The following RARB variants were observed in gnomAD, a reference collection of about 807,000 sequenced individuals.
RARB encodes HBV-activated protein.
RARB carries 17 observed loss-of-function variants against 51.9 expected under a neutral mutation model. That is an observed-to-expected ratio of 0.33 (90% CI 0.22 to 0.49). RARB has a LOEUF of 0.49. Ranked by LOEUF, RARB falls within the 20% of genes least tolerant of loss-of-function variation. The pLI is 0.99. For synonymous variants in RARB, 215 were observed against 195.4 expected (o/e 1.10, Z -0.84); for missense variants, 369 against 550.8 (o/e 0.67, Z 3.30).
chr3:25,431,390 A>G (rs948451662), intron 1 of RARB, among the ~76,000 whole-genome samples: 1 of 152,172 alleles, frequency 6.6e-6, no homozygotes, highest in African/African-American at 2.4e-5. Flanking sequence ...AAAGGCAGAA[A>G]AATGATATGC....
chr3:25,258,557 G>C (rs17016060), intron 5 of RARB, among the ~76,000 whole-genome samples: 15,702 of 152,154 alleles, frequency 0.1, 990 homozygotes, highest in South Asian at 0.25. Context: ...CAACCCTGAA[G>C]TGGGCATTTG....
At chr3:25,332,328 C>T (rs575589683) in intron 5 of RARB, among the ~76,000 whole-genome samples, 7 of 152,278 alleles carry the variant, frequency 4.6e-5, no homozygotes, top group Admixed American at 1.3e-4. Context: ...TTATCCACCA[C>T]GATCAAGTTG....
chr3:25,038,686 G>A (rs1034872876), intron 2 of RARB, among the ~76,000 whole-genome samples: 1 of 152,198 alleles, frequency 6.6e-6, no homozygotes, highest in Non-Finnish European at 1.5e-5. Flanking sequence ...TCCTTGGTTG[G>A]CATTTAAGTG....
At chr3:25,344,783 A>T (rs1236310536) in intron 5 of RARB, among the ~76,000 whole-genome samples, 1 of 152,200 alleles carries the variant, frequency 6.6e-6, no homozygotes, top group African/African-American at 2.4e-5. Flanking sequence ...TGGTCATTCT[A>T]TATAACTATA....
intron 4 of RARB, among the ~76,000 whole-genome samples, chr3:25,161,451 C>G (rs1357747002): frequency 1.3e-5 from 2 of 152,124 alleles, no homozygotes; most frequent in Non-Finnish European, 2.9e-5. Context: ...GGGGGCCATT[C>G]TGCTGTCTAC....
intron 5 of RARB, among the ~76,000 whole-genome samples, chr3:25,230,613 T>G (rs2125389988): frequency 6.6e-6 from 1 of 152,208 alleles, no homozygotes; most frequent in African/African-American, 2.4e-5. Context: ...TCAGGCATTC[T>G]TATAGGCATT....
chr3:25,424,716 A>C (rs956435932), upstream of RARB, among the ~76,000 whole-genome samples: 7 of 152,024 alleles, frequency 4.6e-5, no homozygotes, highest in African/African-American at 1.7e-4. Flanking sequence ...AAATCTTCTT[A>C]TTTAGACATC....
intron 5 of RARB, among the ~76,000 whole-genome samples, chr3:25,398,774 TAAAC>T (rs989070273): frequency 9.2e-5 from 14 of 152,216 alleles, no homozygotes; most frequent in Admixed American, 1.3e-4. Context: ...AAAATTGTAT[TAAAC>T]AAATAACTGT....
intron 2 of RARB, among the ~76,000 whole-genome samples, chr3:24,860,060 C>A (rs1702718666): frequency 6.6e-6 from 1 of 152,152 alleles, no homozygotes; most frequent in African/African-American, 2.4e-5. Context: ...GTTCTGTGAA[C>A]CTCCACTTGG....
intron 4 of RARB, among the ~76,000 whole-genome samples, chr3:25,572,924 C>T (rs1700763571): frequency 6.6e-6 from 1 of 152,168 alleles, no homozygotes. Flanking sequence ...AGGACAAACA[C>T]AACGTACAGC....
At chr3:24,959,294 G>C (rs535041969) in intron 2 of RARB, among the ~76,000 whole-genome samples, 209 of 152,250 alleles carry the variant, frequency 1.4e-3, no homozygotes, top group Admixed American at 2.3e-3. Flanking sequence ...ATTGAAGGGT[G>C]GTTACTGAGG....
intron 2 of RARB, among the ~76,000 whole-genome samples, chr3:24,965,609 CCT>C (rs1227874140): frequency 6.6e-6 from 1 of 152,130 alleles, no homozygotes; most frequent in Non-Finnish European, 1.5e-5. Flanking sequence ...CCAAGTTACT[CCT>C]CTGTCCTTCT....
chr3:25,583,588 G>A (rs771706429), intron 5 of RARB, among the ~76,000 whole-genome samples: 2 of 152,226 alleles, frequency 1.3e-5, no homozygotes, highest in Non-Finnish European at 1.5e-5. Flanking sequence ...AGGAAGGGTT[G>A]ATTCAGAATC....
chr3:25,180,442 A>G (rs546962738), intron 5 of RARB, among the ~76,000 whole-genome samples: 180 of 152,324 alleles, frequency 1.2e-3, no homozygotes, highest in Non-Finnish European at 2.4e-3. Context: ...GACTTTCCAT[A>G]TCTCATGTTC....
intron 4 of RARB, among the ~76,000 whole-genome samples, chr3:25,166,057 C>T (rs567060808): frequency 6.6e-6 from 1 of 152,008 alleles, no homozygotes; most frequent in Admixed American, 6.5e-5. Flanking sequence ...ATTTCATCCT[C>T]CCTCACTCGG....
chr3:24,937,653 G>T (rs1481626823), intron 2 of RARB, among the ~76,000 whole-genome samples: 1 of 152,112 alleles, frequency 6.6e-6, no homozygotes, highest in Non-Finnish European at 1.5e-5. Flanking sequence ...GGAAACTTCA[G>T]AACCGTTCAG....
chr3:25,174,507 C>T (rs746032356), exon 5 of RARB: 2 of 1,352,174 alleles, frequency 1.5e-6, no homozygotes. Flanking sequence ...GGAGGACTTT[C>T]CCTGCCTCCC....
At chr3:25,293,917 G>T (rs1703853124) in intron 5 of RARB, among the ~76,000 whole-genome samples, 1 of 152,170 alleles carries the variant, frequency 6.6e-6, no homozygotes, top group Admixed American at 6.6e-5. Flanking sequence ...ACTGGGAGTG[G>T]CTACTCATGG....
At chr3:25,518,745 T>C (rs1698281854) in intron 3 of RARB, among the ~76,000 whole-genome samples, 1 of 152,214 alleles carries the variant, frequency 6.6e-6, no homozygotes. Flanking sequence ...GATTTGCCCT[T>C]TTAAAGTAGA....
Sources: allele counts gnomAD v4.1 joint callset (sites outside exome capture counted in the v4.1 genomes callset), GRCh38; gene constraint gnomAD v4.1.1; transcripts MANE v1.5; gene names NCBI Gene and HGNC (gene_info 2026-07-23, HGNC 2026-07-21).